CACNG2: variants seen among roughly 807,000 people sequenced by gnomAD.
CACNG2 encodes the protein voltage-dependent calcium channel gamma-2 subunit.
A neutral mutation model predicts 25.9 loss-of-function variants in CACNG2; 3 were observed. The observed-to-expected ratio is 0.12, with a 90% CI of 0.05 to 0.30. The LOEUF is 0.30. Among genes scored for constraint, CACNG2 ranks in the 10% least tolerant of loss-of-function variants. The pLI is 1.00. For synonymous variants in CACNG2, 167 were observed against 173.3 expected, an observed-to-expected ratio of 0.96 and a Z score of 0.29; for missense variants, 341 against 432.5, an observed-to-expected ratio of 0.79 and a Z score of 1.88.
intron 1 of CACNG2, among the ~76,000 whole-genome samples, chr22:36,641,473 T>C (rs992773393): frequency 2.6e-5 from 4 of 152,012 alleles, no homozygotes; most frequent in Non-Finnish European, 5.9e-5. Context: ...AATTAGAGAG[T>C]TCATTTAAAA....
At chr22:36,632,893 G>A (rs1267527199) in intron 1 of CACNG2, among the ~76,000 whole-genome samples, 1 of 151,842 alleles carries the variant, frequency 6.6e-6, no homozygotes, top group Non-Finnish European at 1.5e-5. Flanking sequence ...TCCTTTTCCT[G>A]GGCTATAAGA....
chr22:36,603,822 C>T (rs1935791894), intron 1 of CACNG2, among the ~76,000 whole-genome samples: 1 of 152,212 alleles, frequency 6.6e-6, no homozygotes. Flanking sequence ...GCACCTGGTT[C>T]TCAAGAGCTC....
At chr22:36,612,744 C>T (rs1313448192) in intron 1 of CACNG2, among the ~76,000 whole-genome samples, 3 of 152,232 alleles carry the variant, frequency 2.0e-5, no homozygotes, top group Admixed American at 2.0e-4. Context: ...ACCCCCTCCA[C>T]CACCTTCCAG....
intron 2 of CACNG2, among the ~76,000 whole-genome samples, chr22:36,586,949 ATCT>A (rs1935515304): frequency 7.7e-6 from 1 of 129,436 alleles, no homozygotes; most frequent in African/African-American, 3.9e-5. Flanking sequence ...GGAAGAAAAA[ATCT>A]CTCTCTTTTT....
At chr22:36,643,670 T>A (rs1257608994) in intron 1 of CACNG2, among the ~76,000 whole-genome samples, 1 of 152,222 alleles carries the variant, frequency 6.6e-6, no homozygotes, top group Non-Finnish European at 1.5e-5. Flanking sequence ...ACAGTGTTGC[T>A]AATGCTACTC....
At chr22:36,627,402 T>C (rs1019836215) in intron 1 of CACNG2, among the ~76,000 whole-genome samples, 6 of 152,040 alleles carry the variant, frequency 3.9e-5, no homozygotes, top group African/African-American at 1.4e-4. Context: ...AATAGCATTA[T>C]ACTTTGTTTG....
intron 1 of CACNG2, among the ~76,000 whole-genome samples, chr22:36,657,859 G>A (rs570373540): frequency 6.6e-6 from 1 of 152,178 alleles, no homozygotes; most frequent in Admixed American, 6.5e-5. Flanking sequence ...AGCCAGGCAG[G>A]TAGTAAAATC....
At chr22:36,592,327 G>A (rs964152519) in intron 1 of CACNG2, among the ~76,000 whole-genome samples, 1 of 152,038 alleles carries the variant, frequency 6.6e-6, no homozygotes, top group Non-Finnish European at 1.5e-5. Context: ...GGGTGCATGG[G>A]AGTGAGCTGC....
chr22:36,668,018 T>G (rs967556220), intron 1 of CACNG2, among the ~76,000 whole-genome samples: 3 of 152,228 alleles, frequency 2.0e-5, no homozygotes, highest in Non-Finnish European at 4.4e-5. Flanking sequence ...TTTACCTGCA[T>G]GAACTCTTCA....
intron 1 of CACNG2, among the ~76,000 whole-genome samples, chr22:36,673,410 C>T (rs146240409): frequency 5.9e-5 from 9 of 152,236 alleles, no homozygotes; most frequent in Non-Finnish European, 1.0e-4. Flanking sequence ...CTAATAACAT[C>T]GGAACTATCA....
intron 2 of CACNG2, among the ~76,000 whole-genome samples, chr22:36,581,356 A>AT (rs1353530576): frequency 2.0e-5 from 3 of 152,146 alleles, no homozygotes; most frequent in Non-Finnish European, 4.4e-5. Context: ...GTGTCCATTC[A>AT]TTAATTCATT....
rs112941346 is a variant in CACNG2 at position 36,702,845 on chromosome 22, TA to T, written c.-270del. The stretch of plus-strand genomic sequence containing the variant: ...TGTTCCAGTTGCAGTGTTTTTTTTT[TA>T]AAAAGAAAAGGAAAAAAAAAATAAA... On this transcript the variant is annotated 5_prime_UTR_variant, in exon 1 of 4. Coordinates refer to ENST00000300105, the MANE Select transcript of CACNG2 (RefSeq NM_006078.5). The T allele has an allele frequency of 7.7e-3, 1,934 of 252,378 alleles. 14 individuals are homozygous for T. Among genetic ancestry groups the T allele is most frequent in the African/African-American group, 0.024 (1,001 of 41,488 alleles). The allele number at this position is 252,378 out of a possible 1,614,324, so 15.6% of individuals were successfully genotyped here.
chr22:36,608,547 C>T (rs960129480), intron 1 of CACNG2, among the ~76,000 whole-genome samples: 16 of 152,148 alleles, frequency 1.1e-4, no homozygotes, highest in African/African-American at 3.9e-4. Flanking sequence ...CACATCAACC[C>T]CTTGGGTAGG....
At chr22:36,639,804 C>T (rs1042924254) in intron 1 of CACNG2, among the ~76,000 whole-genome samples, 4 of 152,192 alleles carry the variant, frequency 2.6e-5, no homozygotes, top group African/African-American at 7.2e-5. Context: ...ATGGATGAGC[C>T]AGTGATACAC....
intron 2 of CACNG2, among the ~76,000 whole-genome samples, chr22:36,577,452 C>T (rs1935339816): frequency 6.6e-6 from 1 of 151,890 alleles, no homozygotes; most frequent in South Asian, 2.1e-4. Flanking sequence ...GAGATCGAGA[C>T]CATCCTGGCC....
At chr22:36,599,930 G>A (rs114918847) in intron 1 of CACNG2, among the ~76,000 whole-genome samples, 10 of 152,230 alleles carry the variant, frequency 6.6e-5, no homozygotes, top group Non-Finnish European at 1.2e-4. Flanking sequence ...TCCCAGCCTC[G>A]CTTGCAGCTG....
rs542119124 is a variant in CACNG2 at position 36,683,859 on chromosome 22, C to G, written c.211+18507G>C. 2.2e-4 allele frequency among the ~76,000 whole-genome samples: 33 copies of G among 152,236 alleles called. No homozygotes were observed. In the South Asian group the frequency reaches 6.4e-3, roughly 30 times the overall value. Reference sequence around the variant, plus strand: ...AGCATCTCTCTCTCTCTCCACCCCCCGCGACCCCTGGCTGTCGTCCACACC... The same window carrying G: ...AGCATCTCTCTCTCTCTCCACCCCCGGCGACCCCTGGCTGTCGTCCACACC... On this transcript the variant is annotated intron_variant, in intron 1 of 3. Coordinates refer to ENST00000300105, the MANE Select transcript of CACNG2 (RefSeq NM_006078.5).
chr22:36,650,532 C>A (rs566140670), intron 1 of CACNG2, among the ~76,000 whole-genome samples: 1 of 152,158 alleles, frequency 6.6e-6, no homozygotes, highest in Non-Finnish European at 1.5e-5. Flanking sequence ...TGCCACCACA[C>A]CCAGCTAATA....
At chr22:36,650,495 C>T (rs1240861856) in intron 1 of CACNG2, among the ~76,000 whole-genome samples, 1 of 152,012 alleles carries the variant, frequency 6.6e-6, no homozygotes, top group Non-Finnish European at 1.5e-5. Context: ...CCTCAACCTC[C>T]TAAGTATAGC....
Sources: allele counts gnomAD v4.1 joint callset (sites outside exome capture counted in the v4.1 genomes callset), GRCh38; gene constraint gnomAD v4.1.1; transcripts MANE v1.5; gene names NCBI Gene and HGNC (gene_info 2026-07-23, HGNC 2026-07-21).